Variants in METTL15 observed in about 807,000 individuals in gnomAD.
METTL15 encodes 12S rRNA N(4)-cytidine methyltransferase METTL15.
Under a neutral mutation model 38.3 loss-of-function variants are expected in METTL15, and 34 were observed. The observed-to-expected ratio is 0.89, with a 90% CI of 0.68 to 1.18. The LOEUF is 1.18. METTL15 is among the 50% of genes most tolerant of loss of function. The pLI, the probability that METTL15 is intolerant of heterozygous loss-of-function variation, is 0.00. For synonymous variants in METTL15, 162 were observed against 170.9 expected (o/e 0.95, Z 0.41); for missense variants, 438 against 498.4 (o/e 0.88, Z 1.15).
intron 5 of METTL15, among the ~76,000 whole-genome samples, chr11:28,407,044 C>T (rs1015463958): frequency 1.3e-5 from 2 of 152,148 alleles, no homozygotes; most frequent in East Asian, 1.9e-4. Flanking sequence ...CCACCTCAAT[C>T]GTGGTCGATA....
At chr11:28,430,259 C>T (rs1358508926) in intron 6 of METTL15, among the ~76,000 whole-genome samples, 1 of 148,310 alleles carries the variant, frequency 6.7e-6, no homozygotes, top group Non-Finnish European at 1.5e-5. Flanking sequence ...GCCAGCCGCC[C>T]CATCCGGGAG....
intron 3 of METTL15, among the ~76,000 whole-genome samples, chr11:28,200,305 A>G (rs752375563): frequency 6.6e-6 from 1 of 152,176 alleles, no homozygotes; most frequent in South Asian, 2.1e-4. Flanking sequence ...TAGTGATGAT[A>G]ATAATAGTGA....
intron 5 of METTL15, among the ~76,000 whole-genome samples, chr11:28,421,689 A>G (rs989649492): frequency 6.6e-6 from 1 of 151,526 alleles, no homozygotes; most frequent in African/African-American, 2.4e-5. Flanking sequence ...AAAATGACAT[A>G]GATGTAATAA....
At chr11:28,326,221 T>G (rs1223174462) in intron 6 of METTL15, among the ~76,000 whole-genome samples, 1 of 152,112 alleles carries the variant, frequency 6.6e-6, no homozygotes, top group East Asian at 1.9e-4. Flanking sequence ...TTTTCTGTCT[T>G]ATTAATATTT....
chr11:28,296,684 A>G, intron 5 of METTL15, 69 bp from the exon 6 acceptor site: 2 of 1,529,720 alleles, frequency 1.3e-6, no homozygotes, highest in Non-Finnish European at 1.8e-6. Context: ...ATGTCTCAGT[A>G]CTCTGAAGTT....
intron 3 of METTL15, among the ~76,000 whole-genome samples, chr11:28,348,749 G>A (rs573506357): frequency 4.0e-5 from 6 of 151,574 alleles, no homozygotes; most frequent in Non-Finnish European, 7.4e-5. Flanking sequence ...TATCATTGGG[G>A]TACTAGATTA....
At chr11:28,152,323 C>G (rs925028548) in intron 3 of METTL15, among the ~76,000 whole-genome samples, 1 of 151,618 alleles carries the variant, frequency 6.6e-6, no homozygotes, top group Non-Finnish European at 1.5e-5. Context: ...TACTAATGTC[C>G]CTTATGTTGA....
chr11:28,266,660 T>TA (rs1194244079), intron 4 of METTL15, among the ~76,000 whole-genome samples: 1 of 152,142 alleles, frequency 6.6e-6, no homozygotes, highest in Non-Finnish European at 1.5e-5. Context: ...AATATATTAT[T>TA]AGGACATAGA....
At chr11:28,367,028 A>G (rs183177259) in intron 5 of METTL15, among the ~76,000 whole-genome samples, 4 of 152,320 alleles carry the variant, frequency 2.6e-5, no homozygotes, top group Admixed American at 1.3e-4. Context: ...TGCTTAGTGT[A>G]ATCAGGAAAA....
intron 6 of METTL15, among the ~76,000 whole-genome samples, chr11:28,512,976 G>A (rs946655599): frequency 6.6e-6 from 1 of 152,236 alleles, no homozygotes; most frequent in Non-Finnish European, 1.5e-5. Flanking sequence ...GGAAGAGAAA[G>A]AGGAGGGATT....
intron 5 of METTL15, among the ~76,000 whole-genome samples, chr11:28,372,931 C>T (rs1850261613): frequency 6.6e-6 from 1 of 150,422 alleles, no homozygotes; most frequent in African/African-American, 2.4e-5. Context: ...CATCCATGTC[C>T]CTACAAAGGA....
chr11:28,449,050 G>C (rs1590378600), intron 6 of METTL15, among the ~76,000 whole-genome samples: 1 of 152,268 alleles, frequency 6.6e-6, no homozygotes, highest in Admixed American at 6.5e-5. Flanking sequence ...GGGGTTGTCT[G>C]AGATGCCCTG....
chr11:28,490,473 G>T (rs575689164), intron 6 of METTL15, among the ~76,000 whole-genome samples: 1 of 152,062 alleles, frequency 6.6e-6, no homozygotes, highest in Admixed American at 6.6e-5. Context: ...ATGGAAACAC[G>T]TTTGGTGGCT....
chr11:28,142,554 T>C (rs901095826), intron 3 of METTL15, among the ~76,000 whole-genome samples: 1 of 152,188 alleles, frequency 6.6e-6, no homozygotes, highest in Admixed American at 6.5e-5. Flanking sequence ...TAGTCTAGTG[T>C]GTTGGGGCCT....
intron 3 of METTL15, among the ~76,000 whole-genome samples, chr11:28,189,528 A>G (rs991759693): frequency 6.6e-6 from 1 of 151,274 alleles, no homozygotes; most frequent in African/African-American, 2.4e-5. Flanking sequence ...TCAAATACCT[A>G]CTTTGACAAA....
intron 6 of METTL15, among the ~76,000 whole-genome samples, chr11:28,487,010 A>G (rs914228688): frequency 1.3e-5 from 2 of 152,216 alleles, no homozygotes; most frequent in Non-Finnish European, 2.9e-5. Context: ...TAAGAAAAAA[A>G]AATACAGTGC....
intron 6 of METTL15, among the ~76,000 whole-genome samples, chr11:28,526,003 T>A (rs1851808049): frequency 6.6e-6 from 1 of 152,196 alleles, no homozygotes; most frequent in Non-Finnish European, 1.5e-5. Context: ...GGGCCAGCAC[T>A]GCTGGGGGAC....
downstream of METTL15, among the ~76,000 whole-genome samples, chr11:28,335,373 T>A (rs1849892209): frequency 6.6e-6 from 1 of 152,228 alleles, no homozygotes; most frequent in South Asian, 2.1e-4. Flanking sequence ...AACTTGGACA[T>A]CCTATTTAAT....
intron 6 of METTL15, among the ~76,000 whole-genome samples, chr11:28,427,746 G>A (rs564589115): frequency 2.6e-4 from 40 of 152,310 alleles, no homozygotes; most frequent in African/African-American, 9.4e-4. Flanking sequence ...CCTGTTGTTG[G>A]TGTATAGGAA....
Sources: allele counts gnomAD v4.1 joint callset (sites outside exome capture counted in the v4.1 genomes callset), GRCh38; gene constraint gnomAD v4.1.1; transcripts MANE v1.5; gene names NCBI Gene and HGNC (gene_info 2026-07-23, HGNC 2026-07-21).